The following SHISA9 variants were observed in gnomAD, a reference collection of about 807,000 sequenced individuals.
SHISA9 encodes the protein shisa family member 9, also known as protein shisa-9.
SHISA9 carries 13 observed loss-of-function variants against 38.0 expected under a neutral mutation model. The ratio of observed to expected loss-of-function variants is 0.34; its 90% CI spans 0.22 to 0.54. SHISA9 has a LOEUF of 0.54. Ranked by LOEUF, SHISA9 falls within the 20% of genes least tolerant of loss-of-function variation. SHISA9 has a pLI of 0.91. For missense variants in SHISA9, 538 were observed against 575.8 expected, an observed-to-expected ratio of 0.93 and a Z score of 0.67; for synonymous variants, 275 against 242.0, an observed-to-expected ratio of 1.14 and a Z score of -1.27.
chr16:13,556,723 T>C, the SHISA9 span, among the ~76,000 whole-genome samples: 1 of 151,788 alleles, frequency 6.6e-6, no homozygotes, highest in Non-Finnish European at 1.5e-5. Flanking sequence ...ATCTGTGGGT[T>C]CTCCCTCCTC....
chr16:13,461,192 C>A, the SHISA9 span, among the ~76,000 whole-genome samples: 4 of 152,232 alleles, frequency 2.6e-5, no homozygotes, highest in African/African-American at 9.6e-5. Flanking sequence ...CTCTCTTGGG[C>A]AACTCTTAGT....
At chr16:13,535,234 A>G in the SHISA9 span, among the ~76,000 whole-genome samples, 4 of 152,220 alleles carry the variant, frequency 2.6e-5, no homozygotes, top group Admixed American at 6.5e-5. Context: ...TAACAGAGTG[A>G]GACTCCATCT....
At chr16:13,212,826 G>A (rs2051133388) in intron 3 of SHISA9, among the ~76,000 whole-genome samples, 1 of 152,170 alleles carries the variant, frequency 6.6e-6, no homozygotes, top group African/African-American at 2.4e-5. Context: ...TTTCAGGAGG[G>A]GGATTGCAGT....
chr16:13,229,460 CT>C (rs1282528107), intron 4 of SHISA9, among the ~76,000 whole-genome samples: 1 of 152,108 alleles, frequency 6.6e-6, no homozygotes, highest in Non-Finnish European at 1.5e-5. Context: ...AAAAACACCC[CT>C]ATGTGCTGGA....
intron 2 of SHISA9, among the ~76,000 whole-genome samples, chr16:12,949,571 C>T (rs2071728825): frequency 1.3e-5 from 2 of 152,280 alleles, no homozygotes; most frequent in Non-Finnish European, 2.9e-5. Flanking sequence ...GGAAAATACA[C>T]ACTGGATTTT....
chr16:13,180,810 T>A (rs917268680), intron 2 of SHISA9, among the ~76,000 whole-genome samples: 1 of 152,202 alleles, frequency 6.6e-6, no homozygotes, highest in Non-Finnish European at 1.5e-5. Context: ...GAGTGCTAAG[T>A]AGGATTCTAC....
At chr16:12,949,207 G>C (rs2071724249) in intron 2 of SHISA9, among the ~76,000 whole-genome samples, 1 of 152,182 alleles carries the variant, frequency 6.6e-6, no homozygotes, top group African/African-American at 2.4e-5. Context: ...AGCAGGAAAA[G>C]TCTGGAAGGG....
the SHISA9 span, among the ~76,000 whole-genome samples, chr16:13,441,318 A>T: frequency 6.6e-6 from 1 of 152,178 alleles, no homozygotes; most frequent in Non-Finnish European, 1.5e-5. Context: ...GGAGTCACCA[A>T]ATCCCAAGAA....
chr16:12,934,597 A>G (rs2071504572), intron 2 of SHISA9, among the ~76,000 whole-genome samples: 1 of 152,188 alleles, frequency 6.6e-6, no homozygotes, highest in Non-Finnish European at 1.5e-5. Flanking sequence ...ATCACTTTCT[A>G]TGGTGGCAAA....
the SHISA9 span, among the ~76,000 whole-genome samples, chr16:13,505,675 A>G: frequency 6.6e-6 from 1 of 152,238 alleles, no homozygotes; most frequent in Non-Finnish European, 1.5e-5. Context: ...CTTCAGGGGG[A>G]CCTGGAAAGG....
At chr16:13,550,349 C>A in the SHISA9 span, among the ~76,000 whole-genome samples, 1 of 152,164 alleles carries the variant, frequency 6.6e-6, no homozygotes, top group African/African-American at 2.4e-5. Context: ...CTAGATGATG[C>A]GTAAGTGCCT....
intron 2 of SHISA9, among the ~76,000 whole-genome samples, chr16:12,984,827 C>T (rs1342378695): frequency 2.0e-5 from 3 of 152,168 alleles, no homozygotes; most frequent in Admixed American, 2.0e-4. Context: ...GCTGGAGCCA[C>T]CCTATATGGG....
the SHISA9 span, among the ~76,000 whole-genome samples, chr16:13,394,932 T>TGTGTGG: frequency 8.3e-6 from 1 of 120,236 alleles, no homozygotes; most frequent in Non-Finnish European, 1.7e-5. Flanking sequence ...ATCTGGGGTG[T>TGTGTGG]GTGTGTGTGT....
the SHISA9 span, among the ~76,000 whole-genome samples, chr16:13,409,992 C>T: frequency 1.3e-5 from 2 of 152,174 alleles, no homozygotes; most frequent in Admixed American, 6.5e-5. Flanking sequence ...CGCAGTGTCC[C>T]GCATATAACA....
the SHISA9 span, among the ~76,000 whole-genome samples, chr16:13,469,432 A>AAAGAAAAAGAAAGG: frequency 1.3e-3 from 168 of 131,068 alleles, 2 homozygotes; most frequent in East Asian, 0.019. Context: ...AAAAAGAAAG[A>AAAGAAAAAGAAAGG]AAGAGAAAGA....
intron 2 of SHISA9, among the ~76,000 whole-genome samples, chr16:13,135,912 A>G (rs1012307712): frequency 6.6e-6 from 1 of 152,162 alleles, no homozygotes; most frequent in Non-Finnish European, 1.5e-5. Flanking sequence ...GGGCTCCACT[A>G]TCAGGTCCTT....
intron 2 of SHISA9, among the ~76,000 whole-genome samples, chr16:13,128,212 C>T (rs186604100): frequency 6.6e-6 from 1 of 152,250 alleles, no homozygotes; most frequent in East Asian, 1.9e-4. Flanking sequence ...AAAGGCTCTC[C>T]TGGGTGAAGG....
chr16:13,160,965 A>G (rs920145900), intron 2 of SHISA9, among the ~76,000 whole-genome samples: 2 of 152,140 alleles, frequency 1.3e-5, no homozygotes, highest in Admixed American at 1.3e-4. Context: ...AAATGACCCT[A>G]ATTTTTCTTC....
At chr16:13,522,478 C>T in the SHISA9 span, among the ~76,000 whole-genome samples, 1 of 152,044 alleles carries the variant, frequency 6.6e-6, no homozygotes, top group Non-Finnish European at 1.5e-5. Context: ...CATTTGCTTC[C>T]TCGACCATCA....
Sources: allele counts gnomAD v4.1 joint callset (sites outside exome capture counted in the v4.1 genomes callset), GRCh38; gene constraint gnomAD v4.1.1; transcripts MANE v1.5; gene names NCBI Gene and HGNC (gene_info 2026-07-23, HGNC 2026-07-21).